Variants in RBM42 observed in about 807,000 individuals in gnomAD.
RBM42 encodes RNA binding motif protein 42.
A neutral mutation model predicts 41.4 loss-of-function variants in RBM42; 21 were observed. The ratio of observed to expected loss-of-function variants is 0.51; its 90% CI spans 0.36 to 0.73. The LOEUF is 0.73. RBM42 is among the 30% of genes least tolerant of loss of function. The pLI is 0.00. For missense variants in RBM42, 539 were observed against 680.4 expected, an observed-to-expected ratio of 0.79 and a Z score of 2.31; for synonymous variants, 272 against 271.2, an observed-to-expected ratio of 1.00 and a Z score of -0.03.
In RBM42 at chr19:35,630,130, A is replaced by T. The variant is rs1470569990; in HGVS notation, c.282+457A>T. ...AGAGATCGAGTCCATCCTGGCCAAC[A>T]TGGTGAAACCCCATCTCTACTAAAA... On this transcript the variant is annotated intron_variant, in intron 2 of 9. Transcript: ENST00000262633. Among the ~76,000 whole-genome samples, 115 of 152,028 alleles carry T rather than the reference A, an allele frequency of 7.6e-4. 1 individual carries two copies. The highest frequency in any genetic ancestry group is 2.1e-4 in the Non-Finnish European group (14 of 67,998).
In RBM42 at chr19:35,629,282, G is replaced by T. The variant is rs761295039; in HGVS notation, c.128+1G>T. 2.0e-6 allele frequency: 3 copies of T among 1,526,272 alleles called. No individual in the cohort carries two copies. The African/African-American group carries it at 4.2e-5, about 21-fold the overall frequency. The allele number at this position is 1,526,272 out of a possible 1,614,324, so 94.5% of individuals were successfully genotyped here. A position where few individuals can be genotyped will look rare whatever the true frequency, so the allele number is the denominator to read the frequency against. On this transcript the variant is annotated splice_donor_variant, in intron 1 of 9. Coordinates refer to ENST00000262633, the MANE Select transcript of RBM42 (RefSeq NM_024321.5). LOFTEE classifies it high-confidence loss of function. ...AGGAAATGGAGGCGGAGATGGCCCTGTAAGGCCCGCGACAGAGAGTGATAA... is the reference window on the plus strand; with the variant it reads ...AGGAAATGGAGGCGGAGATGGCCCTTTAAGGCCCGCGACAGAGAGTGATAA...
At chr19:35,629,713 G>A (rs1967371659) in intron 2 of RBM42, 40 bp downstream of exon 2, 1 of 1,607,422 alleles carries the variant, frequency 6.2e-7, no homozygotes, top group Admixed American at 1.7e-5. Context: ...GGAACACAAT[G>A]CCTCGAACAG....
rs761942257 is a variant in RBM42, at chr19:35,629,682, G to A, written c.282+9G>A. On this transcript the variant is annotated intron_variant, in intron 2 of 9. Coordinates refer to ENST00000262633, the MANE Select transcript of RBM42 (RefSeq NM_024321.5). ...CCAACACATACCAGCAGGTACGGCT[G>A]AGCTAAGGCATGTAAGTCAGGGAAC... 1 of 1,613,904 alleles carries A rather than the reference G, an allele frequency of 6.2e-7. No individual in the cohort carries two copies. The highest frequency in any genetic ancestry group is 1.1e-5 in the South Asian group (1 of 91,074).
At chr19:35,631,021 T>G in intron 2 of RBM42, 119 bp from the exon 3 acceptor site, 2 of 877,914 alleles carry the variant, frequency 2.3e-6, no homozygotes, top group Non-Finnish European at 3.7e-6. Context: ...AGCTAAGACC[T>G]GAGATAGCCA....
chr19:35,631,404 A>AG lies in RBM42; in HGVS notation c.442+1dup. 1 of 1,614,166 alleles carries AG rather than the reference A, an allele frequency of 6.2e-7. No individual in the cohort carries two copies. Among genetic ancestry groups the AG allele is most frequent in the South Asian group, 1.1e-5 (1 of 91,090 alleles). On this transcript the variant is annotated frameshift_variant and splice_region_variant, in exon 4 of 10. Coordinates refer to ENST00000262633, the MANE Select transcript of RBM42 (RefSeq NM_024321.5). LOFTEE classifies it high-confidence loss of function. ...GAGAAGCCATGTTCCTGCGGCGGGC[A>AG]GGTGAGTCTGGGGCCAGGGACCCCC...
chr19:35,634,309 A>G lies in RBM42; in HGVS notation c.1071A>G (p.Lys357=). 6.2e-7 allele frequency: 1 copy of G among 1,614,120 alleles called. No individual in the cohort carries two copies. Among genetic ancestry groups the G allele is most frequent in the Non-Finnish European group, 8.5e-7 (1 of 1,180,020 alleles). The change falls in exon 8 of 10, where the codon AAA becomes AAG. Residue 357 remains lysine, a synonymous_variant. Coordinates refer to ENST00000262633, the MANE Select transcript of RBM42 (RefSeq NM_024321.5). ...DKKKGKPEKL[K]RCIRTAAGSS... ...AGAAGGGGAAGCCAGAGAAATTGAAACGGTGCATTCGCACAGCGGCAGGGA... is the reference window on the plus strand; with the variant it reads ...AGAAGGGGAAGCCAGAGAAATTGAAGCGGTGCATTCGCACAGCGGCAGGGA...
intron 6 of RBM42, among the ~76,000 whole-genome samples, 189 bp from the exon 7 acceptor site, chr19:35,633,498 C>G (rs1396732254): frequency 1.3e-5 from 2 of 152,234 alleles, no homozygotes; most frequent in Non-Finnish European, 2.9e-5. Flanking sequence ...TACTGATGTT[C>G]TTGTCTGTGG....
At position 35,629,107 on chromosome 19, in the gene RBM42, G is replaced by T; in HGVS notation, c.-47G>T. 6.8e-7 allele frequency: 1 copy of T among 1,481,478 alleles called. No individual in the cohort carries two copies. The allele number at this position is 1,481,478 out of a possible 1,614,324, so 91.8% of individuals were successfully genotyped here. A position where few individuals can be genotyped will look rare whatever the true frequency, so the allele number is the denominator to read the frequency against. On this transcript the variant is annotated 5_prime_UTR_variant, in exon 1 of 10. Transcript: ENST00000262633. Reference sequence around the variant, plus strand: ...AGAGTAGACAGCAGAACCAGCGGCGGCGGCTAAGCAGAGACTGTAGTAGCG... The same window carrying T: ...AGAGTAGACAGCAGAACCAGCGGCGTCGGCTAAGCAGAGACTGTAGTAGCG...
At chr19:35,636,939 G>C (rs1568335764) in intron 8 of RBM42, among the ~76,000 whole-genome samples, 1 of 152,016 alleles carries the variant, frequency 6.6e-6, no homozygotes. Flanking sequence ...TCACCTCTCT[G>C]TGCCTCAGTG....
In RBM42 at chr19:35,633,947, T is replaced by C. The variant is rs772418206; in HGVS notation, c.945T>C (p.Pro315=). 2 of 1,573,394 alleles carry C rather than the reference T, an allele frequency of 1.3e-6. No homozygotes were observed. Among genetic ancestry groups the C allele is most frequent in the Non-Finnish European group, 1.7e-6 (2 of 1,165,064 alleles). Residue 315 remains proline (P), a synonymous_variant, in exon 7 of 10, where the codon CCT becomes CCC. Transcript: ENST00000262633. ...VRGLLPPLRI[P]ELLSLRPRPR... is the part of the protein sequence containing the mutation. ...GCCTCCTGCCCCCGCTGCGCATTCC[T>C]GAACTCCTGTCCCTGCGTCCTCGGC...
Position 35,637,147 on chromosome 19 carries a change from C to G in RBM42, c.1136-11C>G. Reference sequence around the variant, plus strand: ...CTGCATCCTCTGATGTCATCTCTTCCCCATCCCCAGATGACTTCCGGATCT... The same window carrying G: ...CTGCATCCTCTGATGTCATCTCTTCGCCATCCCCAGATGACTTCCGGATCT... On this transcript the variant is annotated splice_polypyrimidine_tract_variant and intron_variant, in intron 8 of 9. Transcript: ENST00000262633. This position sits in a 1 kb window ranked among gnomAD's most constrained non-coding sequence, Gnocchi z 7.0. The G allele has an allele frequency of 6.2e-7, 1 of 1,607,020 alleles. No homozygotes were observed. Among genetic ancestry groups the G allele is most frequent in the Non-Finnish European group, 8.5e-7 (1 of 1,176,258 alleles).
rs1415244701 is a variant in RBM42, at chr19:35,634,518, CAG to C, written c.1135+146_1135+147del. On this transcript the variant is annotated intron_variant, in intron 8 of 9. Transcript: ENST00000262633. The stretch of plus-strand genomic sequence containing the variant: ...ACCTTGGGGAGGGGAGGCTATGGCT[CAG>C]GGGCTGGTTCTTCACCTAGCCATGG... 9.4e-5 allele frequency: 57 copies of C among 603,454 alleles called. No individual in the cohort carries two copies. The Admixed American group carries it at 1.5e-3, about 16-fold the overall frequency. 37.4% of individuals were successfully genotyped at this position (603,454 alleles called of 1,614,324 possible).
intron 7 of RBM42, 84 bp downstream of exon 7, chr19:35,634,103 C>T: frequency 3.3e-6 from 5 of 1,502,792 alleles, no homozygotes; most frequent in Non-Finnish European, 4.4e-6. Context: ...ACAGACCGGA[C>T]AGCAGGAGGA....
intron 4 of RBM42, chr19:35,631,745 C>T: frequency 2.8e-6 from 1 of 356,894 alleles, no homozygotes; most frequent in Non-Finnish European, 5.2e-6. Flanking sequence ...TCAGTATCTG[C>T]CACATAGGAA....
intron 1 of RBM42, 34 bp downstream of exon 1, chr19:35,629,315 C>A (rs1252410212): frequency 1.7e-5 from 25 of 1,496,064 alleles, no homozygotes; most frequent in African/African-American, 4.2e-5. Context: ...TAAAAGTCGT[C>A]CCAGAGCCAG....
intron 6 of RBM42, 139 bp from the exon 7 acceptor site, chr19:35,633,548 T>G (rs1967442925): frequency 1.3e-5 from 10 of 765,214 alleles, no homozygotes; most frequent in Non-Finnish European, 9.6e-6. Flanking sequence ...TCTGTGTTTG[T>G]CTGGCTGGAG....
rs896847624 is a variant in RBM42 at position 35,633,151 on chromosome 19, C to T, written c.583C>T (p.Pro195Ser). The T allele has an allele frequency of 1.3e-5, 20 of 1,574,884 alleles. No homozygotes were observed. Among genetic ancestry groups the T allele is most frequent in the Non-Finnish European group, 1.7e-5 (19 of 1,144,508 alleles). The part of the protein sequence containing the change: ...LRPPHQALVG[P>S]PLPGPPGPPM... ...GCCCCCTCACCAGGCCCTCGTGGGC[C>T]CCCCTCTGCCTGGGCCCCCTGGACC... The change falls in exon 6 of 10, where the codon CCC becomes TCC. Residue 195 changes from proline to serine, a missense_variant. By Grantham distance (74) the Pro-to-Ser change is moderately conservative. Transcript: ENST00000262633.
chr19:35,637,556 G>A lies in RBM42; in HGVS notation c.*2G>A. 1 of 1,613,254 alleles carries A rather than the reference G, an allele frequency of 6.2e-7. No individual in the cohort carries two copies. Among genetic ancestry groups the A allele is most frequent in the South Asian group, 1.1e-5 (1 of 91,060 alleles). On this transcript the variant is annotated 3_prime_UTR_variant, in exon 10 of 10. Coordinates refer to ENST00000262633, the MANE Select transcript of RBM42 (RefSeq NM_024321.5). This position sits in a 1 kb window ranked among gnomAD's most constrained non-coding sequence, Gnocchi z 7.0. ...AAGAAGAAGCTGGGCCTGAGATAGG[G>A]TCTGTGGCCAGGCACCCGCTCCCAC...
At position 35,633,203 on chromosome 19, in the gene RBM42, G is replaced by A. The variant is rs560880382; in HGVS notation, c.635G>A (p.Arg212Gln). 48 of 1,611,006 alleles carry A rather than the reference G, an allele frequency of 3.0e-5. No individual in the cohort carries two copies. Among genetic ancestry groups the A allele is most frequent in the African/African-American group, 2.9e-4 (22 of 74,982 alleles). ...CCCATGATGCTGCCACCAATGGCTCGGGCTCCAGGGCCCCCGCTGGGCTCC... is the reference window on the plus strand; with the variant it reads ...CCCATGATGCTGCCACCAATGGCTCAGGCTCCAGGGCCCCCGCTGGGCTCC... Reference protein sequence around the residue: ...GPPMMLPPMARAPGPPLGSMA... With the variant: ...GPPMMLPPMAQAPGPPLGSMA... Residue 212 changes from arginine to glutamine, a missense_variant, in exon 6 of 10, where the codon CGG (arginine) becomes CAG (glutamine). Coordinates refer to ENST00000262633, the MANE Select transcript of RBM42 (RefSeq NM_024321.5).
Sources: gnomAD v4.1 joint callset for allele counts (sites outside exome capture counted in the v4.1 genomes callset) on GRCh38, gnomAD v4.1.1 for gene constraint, Gnocchi (gnomAD v3.1) non-coding constraint, MANE v1.5 for transcripts, NCBI Gene and HGNC (gene_info 2026-07-23, HGNC 2026-07-21) for gene names.